The following GALNT1 variants were observed in gnomAD, a reference collection of about 807,000 sequenced individuals.
The protein encoded by GALNT1 is polypeptide N-acetylgalactosaminyltransferase 1.
Under a neutral mutation model 65.7 loss-of-function variants are expected in GALNT1, and 17 were observed. The observed-to-expected ratio is 0.26, with a 90% CI of 0.18 to 0.39. The LOEUF is 0.39. Ranked by LOEUF, GALNT1 falls within the 10% of genes least tolerant of loss-of-function variation. GALNT1 has a pLI of 1.00. For missense variants in GALNT1, 460 were observed against 672.8 expected (o/e 0.68, Z 3.50); for synonymous variants, 210 against 219.7 (o/e 0.96, Z 0.39).
At chr18:35,678,528 A>G (rs1265025640) in intron 4 of GALNT1, among the ~76,000 whole-genome samples, 1 of 152,190 alleles carries the variant, frequency 6.6e-6, no homozygotes, top group African/African-American at 2.4e-5. Context: ...TGCTTAGTCC[A>G]TCAGTAAAGA....
intron 1 of GALNT1, among the ~76,000 whole-genome samples, chr18:35,637,509 G>A (rs530167426): frequency 2.0e-5 from 3 of 152,290 alleles, no homozygotes; most frequent in South Asian, 2.1e-4. Context: ...GCCCTAACTC[G>A]TCAATGCTAT....
At chr18:35,708,197 A>G (rs1343118795) in intron 11 of GALNT1, among the ~76,000 whole-genome samples, 3 of 152,146 alleles carry the variant, frequency 2.0e-5, no homozygotes, top group Non-Finnish European at 4.4e-5. Flanking sequence ...GGAATGTCTG[A>G]CTGCAAAGCC....
At chr18:35,607,582 G>A (rs1043891408) in intron 1 of GALNT1, among the ~76,000 whole-genome samples, 6 of 152,206 alleles carry the variant, frequency 3.9e-5, no homozygotes, top group Middle Eastern at 3.4e-3. Context: ...TACAGCTCAT[G>A]TATGAGGCTG....
intron 3 of GALNT1, among the ~76,000 whole-genome samples, chr18:35,665,308 A>G (rs1002426538): frequency 6.6e-5 from 10 of 152,248 alleles, no homozygotes; most frequent in Non-Finnish European, 8.8e-5. Flanking sequence ...AGAACCAGAA[A>G]GAGCTTTTGA....
rs1293289159 is a variant in GALNT1 at position 35,581,746 on chromosome 18, C to G, written c.-220C>G. 0.26 allele frequency: 55 copies of G among 212 alleles called. No homozygotes were observed. Among genetic ancestry groups the G allele is most frequent in the Admixed American group, 0.44 (36 of 82 alleles). The allele number at this position is 212 out of a possible 1,614,324, so 0.0% of individuals were successfully genotyped here. ...CGCCGGGGGAGCCGCCGGCAGTGGC[C>G]GAGGAGCGCGCGGCGGACGGCGGCC... On this transcript the variant is annotated 5_prime_UTR_variant, in exon 1 of 12. Transcript: ENST00000269195.
At chr18:35,667,724 C>T (rs1175591332) in intron 3 of GALNT1, among the ~76,000 whole-genome samples, 1 of 152,120 alleles carries the variant, frequency 6.6e-6, no homozygotes, top group Non-Finnish European at 1.5e-5. Context: ...CATCTTTTCT[C>T]AGCCTACATT....
At chr18:35,675,688 ATTATT>A (rs898497598) in intron 3 of GALNT1, among the ~76,000 whole-genome samples, 28 of 152,246 alleles carry the variant, frequency 1.8e-4, no homozygotes, top group African/African-American at 3.1e-4. Flanking sequence ...ACTTGATTTT[ATTATT>A]TTATTTTATT....
chr18:35,616,331 A>G (rs569740237), intron 1 of GALNT1, among the ~76,000 whole-genome samples: 5 of 152,224 alleles, frequency 3.3e-5, no homozygotes, highest in Admixed American at 2.6e-4. Flanking sequence ...CAGTTTTCCT[A>G]TCTGTAAGAT....
At chr18:35,599,817 T>C (rs2046559370) in intron 1 of GALNT1, among the ~76,000 whole-genome samples, 1 of 152,236 alleles carries the variant, frequency 6.6e-6, no homozygotes, top group South Asian at 2.1e-4. Context: ...CTTGCCTTTT[T>C]CAAAAATGAG....
At chr18:35,661,512 CA>C (rs564762610) in intron 2 of GALNT1, among the ~76,000 whole-genome samples, 176 of 143,736 alleles carry the variant, frequency 1.2e-3, no homozygotes, top group Non-Finnish European at 1.5e-3. Flanking sequence ...AAAAAAAAAT[CA>C]AAAAAAAAAA....
chr18:35,614,197 T>G (rs999665719), intron 1 of GALNT1, among the ~76,000 whole-genome samples: 1 of 152,018 alleles, frequency 6.6e-6, no homozygotes, highest in African/African-American at 2.4e-5. Flanking sequence ...CAAAAGACTA[T>G]CAAAAATAAT....
chr18:35,673,550 T>C (rs1462978979), intron 3 of GALNT1, among the ~76,000 whole-genome samples: 2 of 152,208 alleles, frequency 1.3e-5, no homozygotes, highest in African/African-American at 4.8e-5. Context: ...GTTTCAGGAA[T>C]TTAATAAAAA....
chr18:35,620,856 G>T (rs2046842630), intron 1 of GALNT1, among the ~76,000 whole-genome samples: 1 of 151,544 alleles, frequency 6.6e-6, no homozygotes, highest in South Asian at 2.1e-4. Context: ...GTTTCTCCAG[G>T]GACTGTACCT....
intron 9 of GALNT1, among the ~76,000 whole-genome samples, chr18:35,694,007 G>C (rs1231266530): frequency 1.3e-5 from 2 of 152,146 alleles, no homozygotes; most frequent in Admixed American, 1.3e-4. Context: ...AAGACTAAGG[G>C]AAAGACGTGT....
chr18:35,674,863 G>C (rs889766067), intron 3 of GALNT1, among the ~76,000 whole-genome samples: 1 of 151,772 alleles, frequency 6.6e-6, no homozygotes, highest in Non-Finnish European at 1.5e-5. Flanking sequence ...GGCACCTGTA[G>C]GACCAGCTAC....
chr18:35,583,678 G>A lies in GALNT1; in HGVS notation c.-104+1816G>A, dbSNP rs532099648. ...TAGTCCTAGCTATTCCAGAGTGACA[G>A]CGCGAGACCCTGTCTCAAAAAACTG... On this transcript the variant is annotated intron_variant, in intron 1 of 11. Transcript: ENST00000269195. Among the ~76,000 whole-genome samples the A allele has an allele frequency of 3.3e-5, 5 of 152,266 alleles. No individual in the cohort carries two copies. The South Asian group carries it at 1.0e-3, about 32-fold the overall frequency.
chr18:35,605,730 A>G (rs539121495), intron 1 of GALNT1, among the ~76,000 whole-genome samples: 1 of 152,146 alleles, frequency 6.6e-6, no homozygotes, highest in African/African-American at 2.4e-5. Flanking sequence ...AACCTCAGTA[A>G]TTATCAACAT....
chr18:35,601,635 T>C (rs2046583958), intron 1 of GALNT1, among the ~76,000 whole-genome samples: 1 of 152,228 alleles, frequency 6.6e-6, no homozygotes, highest in South Asian at 2.1e-4. Context: ...CTGGTTTTAC[T>C]TCATCACGGT....
chr18:35,590,691 G>C (rs965583987), intron 1 of GALNT1, among the ~76,000 whole-genome samples: 1 of 151,906 alleles, frequency 6.6e-6, no homozygotes, highest in African/African-American at 2.4e-5. Flanking sequence ...GAAATTTCTG[G>C]GACTATTGAA....
Sources: gnomAD v4.1 joint callset for allele counts (sites outside exome capture counted in the v4.1 genomes callset) on GRCh38, gnomAD v4.1.1 for gene constraint, MANE v1.5 for transcripts, NCBI Gene and HGNC (gene_info 2026-07-23, HGNC 2026-07-21) for gene names.